The following IDO2 variants were observed in gnomAD, a reference collection of about 807,000 sequenced individuals.
IDO2 encodes indoleamine 2,3-dioxygenase 2, also known as indoleamine 2,3-dioxygenase-like 1 protein.
A neutral mutation model predicts 45.1 loss-of-function variants in IDO2; 46 were observed. The ratio of observed to expected loss-of-function variants is 1.02; its 90% CI spans 0.80 to 1.30. IDO2 has a LOEUF of 1.30. Among genes scored for constraint, IDO2 ranks in the 50% most tolerant of loss-of-function variants. The probability of loss-of-function intolerance (pLI) is 0.00; values close to 1 mark genes in which losing one functional copy is unlikely to be tolerated. For synonymous variants in IDO2, 218 were observed against 184.9 expected, an observed-to-expected ratio of 1.18 and a Z score of -1.45; for missense variants, 544 against 491.8, an observed-to-expected ratio of 1.11 and a Z score of -1.00.
In IDO2 at chr8:39,944,710, T is replaced by A. The variant is rs182667080; in HGVS notation, c.-17-4439T>A. Among the ~76,000 whole-genome samples the A allele has an allele frequency of 3.3e-5, 5 of 152,356 alleles. No individual in the cohort carries two copies. The East Asian group carries it at 9.6e-4, about 29-fold the overall frequency. ...TTTACTTTCCTGTAACCATTTATCC[T>A]TTTAACTTTTTGCCTAATTTATTTC... On this transcript the variant is annotated intron_variant, in intron 1 of 10. Coordinates refer to ENST00000502986, the Ensembl canonical transcript of IDO2.
At chr8:39,983,606 G>A (rs1401819740) in intron 5 of IDO2, among the ~76,000 whole-genome samples, 1 of 152,142 alleles carries the variant, frequency 6.6e-6, no homozygotes. Flanking sequence ...GCTCACCCCT[G>A]TAATCCCGGC....
chr8:39,939,973 T>C (rs1170275777), intron 1 of IDO2, among the ~76,000 whole-genome samples: 1 of 152,164 alleles, frequency 6.6e-6, no homozygotes, highest in Non-Finnish European at 1.5e-5. Flanking sequence ...AAAGCCCTAA[T>C]ACCCCGACTG....
chr8:40,004,333 G>T (rs1014102601), intron 8 of IDO2, among the ~76,000 whole-genome samples: 1 of 152,100 alleles, frequency 6.6e-6, no homozygotes, highest in Non-Finnish European at 1.5e-5. Context: ...TACGTATGTT[G>T]GTTGGAAAAG....
chr8:39,968,706 G>C (rs112787558), intron 3 of IDO2, among the ~76,000 whole-genome samples: 19,500 of 150,872 alleles, frequency 0.13, 1,750 homozygotes, highest in Non-Finnish European at 0.2. Flanking sequence ...ACCGGGGCCT[G>C]TTGTGGGGTG....
intron 1 of IDO2, among the ~76,000 whole-genome samples, chr8:39,946,346 A>G (rs1170812653): frequency 1.3e-5 from 2 of 152,218 alleles, no homozygotes; most frequent in African/African-American, 4.8e-5. Flanking sequence ...GCGGTGGCTC[A>G]TGCCTGTAAT....
intron 1 of IDO2, 56 bp from the exon 2 acceptor site, chr8:39,949,093 C>A (rs1210256676): frequency 2.5e-5 from 39 of 1,550,366 alleles, no homozygotes; most frequent in Admixed American, 1.2e-4. Flanking sequence ...AAGGATGGAA[C>A]CTGGGTGTTT....
chr8:39,962,935 G>C (rs1343664323), intron 2 of IDO2, among the ~76,000 whole-genome samples: 2 of 152,244 alleles, frequency 1.3e-5, no homozygotes, highest in African/African-American at 4.8e-5. Context: ...AATCAATCGG[G>C]AAAGGGTGAG....
chr8:39,979,045 G>A (rs982275906), intron 3 of IDO2, 22 bp from the exon 4 acceptor site: 1 of 1,561,460 alleles, frequency 6.4e-7, no homozygotes. Context: ...TCCTCTGACG[G>A]CATTTGGACT....
At chr8:39,985,633 C>G (rs1372491688) in intron 6 of IDO2, 111 bp downstream of exon 6, 2 of 858,082 alleles carry the variant, frequency 2.3e-6, no homozygotes, top group Admixed American at 5.8e-5. Flanking sequence ...TAATATCAAC[C>G]ATATAAAATG....
rs1045960260 is a variant in IDO2, at chr8:39,984,924, C to T, written c.435-584C>T. ...CAAAAATGTAAGATGAGTGAAATAA[C>T]TTATTTATTTATTTATTTATTTTCA... On this transcript the variant is annotated intron_variant, in intron 5 of 10. Transcript: ENST00000502986. The T allele has an allele frequency of 7.3e-6, 3 of 412,724 alleles. 1 individual carries two copies. The highest frequency in any genetic ancestry group is 2.9e-5 in the Admixed American group (1 of 34,380). The allele number at this position is 412,724 out of a possible 1,614,324, so 25.6% of individuals were successfully genotyped here. A position where few individuals can be genotyped will look rare whatever the true frequency, so the allele number is the denominator to read the frequency against.
chr8:39,986,765 A>G (rs1258944155), intron 6 of IDO2: 1 of 151,814 alleles, frequency 6.6e-6, no homozygotes, highest in Non-Finnish European at 1.5e-5. Context: ...TCAAATTGTA[A>G]CCCCCACATG....
chr8:39,998,808 T>G (rs998648708), intron 8 of IDO2, among the ~76,000 whole-genome samples: 2 of 151,648 alleles, frequency 1.3e-5, no homozygotes, highest in African/African-American at 4.8e-5. Context: ...ACCCCACTAA[T>G]TTTTTTGTAT....
chr8:39,946,478 G>T (rs998007441), intron 1 of IDO2, among the ~76,000 whole-genome samples: 1 of 152,122 alleles, frequency 6.6e-6, no homozygotes, highest in Non-Finnish European at 1.5e-5. Flanking sequence ...ATGGTGGCAC[G>T]CACCTGTAGT....
rs903126314 is a variant in IDO2, at chr8:39,966,487, A to G, written c.195+2784A>G. On this transcript the variant is annotated intron_variant, in intron 3 of 10. Transcript: ENST00000502986. ...GTTAGCAATTTCCTGTGAGAGGCAA[A>G]TGTAATAGTTTCTAGAACCACAGAT... Among the ~76,000 whole-genome samples the G allele has an allele frequency of 2.0e-5, 3 of 152,224 alleles. No individual in the cohort carries two copies. In the East Asian group the frequency reaches 5.8e-4, roughly 29 times the overall value.
Position 39,982,236 on chromosome 8 carries a change from G to GTATATA in IDO2, c.316-404_316-399dup, listed in dbSNP as rs10612525. Among the ~76,000 whole-genome samples, 673 of 139,694 alleles carry GTATATA rather than the reference G, an allele frequency of 4.8e-3. 6 individuals are homozygous for GTATATA. Among genetic ancestry groups the GTATATA allele is most frequent in the African/African-American group, 0.016 (639 of 39,750 alleles). 91.6% of individuals were successfully genotyped at this position (139,694 alleles called of 152,430 possible). A position where few individuals can be genotyped will look rare whatever the true frequency, so the allele number is the denominator to read the frequency against. On this transcript the variant is annotated intron_variant, in intron 4 of 10. Coordinates refer to ENST00000502986, the Ensembl canonical transcript of IDO2. ...CTATCATCTCTCTCTATATATGTGT[G>GTATATA]TATATATATATATATATGTATATAT...
At chr8:40,004,525 T>A (rs1291320886) in intron 8 of IDO2, among the ~76,000 whole-genome samples, 1 of 144,398 alleles carries the variant, frequency 6.9e-6, no homozygotes, top group African/African-American at 2.6e-5. Context: ...GACAGACAGA[T>A]GATAGATAGA....
intron 2 of IDO2, among the ~76,000 whole-genome samples, chr8:39,951,848 A>G (rs940502356): frequency 6.6e-6 from 1 of 152,260 alleles, no homozygotes; most frequent in African/African-American, 2.4e-5. Context: ...CCACAGTTGT[A>G]GAATTCCCCT....
At chr8:39,962,289 T>G (rs2729456) in intron 2 of IDO2, among the ~76,000 whole-genome samples, 57,190 of 152,012 alleles carry the variant, frequency 0.38, 11,111 homozygotes, top group East Asian at 0.58. Context: ...AGTGTATCTT[T>G]AATATATGGC....
rs56064306 is a variant in IDO2, at chr8:39,957,042, CAAAAAAA to C, written c.100-6549_100-6543del. ...TGGATGACAGAGTGAGACTCCATCT[CAAAAAAA>C]AAAAAAAAAAAAAAAAGAGATCAAT... On this transcript the variant is annotated intron_variant, in intron 2 of 10. Transcript: ENST00000502986. Among the ~76,000 whole-genome samples the C allele has an allele frequency of 7.7e-4, 24 of 31,334 alleles. No homozygotes were observed. The South Asian group carries it at 0.034, about 45-fold the overall frequency. The allele number at this position is 31,334 out of a possible 152,430, so 20.6% of individuals were successfully genotyped here.
Sources: gnomAD v4.1 joint callset for allele counts (sites outside exome capture counted in the v4.1 genomes callset) on GRCh38, gnomAD v4.1.1 for gene constraint, MANE v1.5 for transcripts, NCBI Gene and HGNC (gene_info 2026-07-23, HGNC 2026-07-21) for gene names.